Variants in TENM4 observed in about 807,000 individuals in gnomAD.
TENM4 encodes the protein teneurin transmembrane protein 4, also known as teneurin-4.
A neutral mutation model predicts 243.3 loss-of-function variants in TENM4; 82 were observed. The observed-to-expected ratio is 0.34, with a 90% CI of 0.28 to 0.40. TENM4 has a LOEUF of 0.40. Among genes scored for constraint, TENM4 ranks in the 10% least tolerant of loss-of-function variants. The pLI is 1.00. For synonymous variants in TENM4, 1,412 were observed against 1,456.3 expected (o/e 0.97, Z 0.69); for missense variants, 3,138 against 3,673.3 (o/e 0.85, Z 3.77).
chr11:79,005,013 A>T (rs1858445678), intron 6 of TENM4, among the ~76,000 whole-genome samples: 1 of 151,394 alleles, frequency 6.6e-6, no homozygotes, highest in Non-Finnish European at 1.5e-5. Flanking sequence ...AAAACTAAGT[A>T]GGAATTGATA....
intron 6 of TENM4, among the ~76,000 whole-genome samples, chr11:79,056,378 C>T (rs751414707): frequency 6.6e-6 from 1 of 151,972 alleles, no homozygotes; most frequent in African/African-American, 2.4e-5. Flanking sequence ...GTATGTGCTG[C>T]CACCAGGGAG....
intron 6 of TENM4, among the ~76,000 whole-genome samples, chr11:78,941,396 T>G (rs866982845): frequency 3.3e-5 from 5 of 151,416 alleles, no homozygotes; most frequent in Non-Finnish European, 7.4e-5. Flanking sequence ...ATGGGGCTGG[T>G]GGGTGGGCCT....
intron 9 of TENM4, among the ~76,000 whole-genome samples, chr11:78,864,697 C>G (rs886553640): frequency 6.6e-6 from 1 of 152,162 alleles, no homozygotes; most frequent in Non-Finnish European, 1.5e-5. Context: ...TGATGCCCAT[C>G]TGAATTCCCC....
intron 1 of TENM4, among the ~76,000 whole-genome samples, chr11:79,321,075 G>A (rs1856880493): frequency 6.6e-6 from 1 of 152,232 alleles, no homozygotes; most frequent in Admixed American, 6.5e-5. Context: ...AGGAGGCCTA[G>A]CTTCAGGGTT....
intron 2 of TENM4, among the ~76,000 whole-genome samples, chr11:79,266,250 C>A (rs890211382): frequency 8.5e-5 from 13 of 152,186 alleles, no homozygotes; most frequent in African/African-American, 2.4e-4. Context: ...AGGGAAGTAT[C>A]TTTATACATT....
At chr11:78,690,592 T>TAGG (rs1424029217) in intron 28 of TENM4, among the ~76,000 whole-genome samples, 1 of 152,176 alleles carries the variant, frequency 6.6e-6, no homozygotes, top group African/African-American at 2.4e-5. Context: ...AGGCTGTGCA[T>TAGG]AGGAGTCTCA....
Position 79,090,430 on chromosome 11 carries a change from G to A in TENM4, c.-65-20421C>T, listed in dbSNP as rs1860917726. Among the ~76,000 whole-genome samples, 10 of 152,374 alleles carry A rather than the reference G, an allele frequency of 6.6e-5. 1 individual carries two copies. The South Asian group carries it at 2.1e-3, about 32-fold the overall frequency. On this transcript the variant is annotated intron_variant, in intron 4 of 33. Transcript: ENST00000278550. ...ATGCAGACACCCGTGCAGAAGAAAG[G>A]CAGGTGGCGAGCTGCCTATGGCAGC...
intron 9 of TENM4, among the ~76,000 whole-genome samples, chr11:78,869,450 T>A (rs2136237953): frequency 6.7e-6 from 1 of 150,136 alleles, no homozygotes; most frequent in African/African-American, 2.4e-5. Context: ...TTTTAGTGCA[T>A]CAGCATTAAA....
chr11:78,855,930 T>A (rs1167462802), intron 11 of TENM4, 34 bp downstream of exon 11: 3 of 1,543,526 alleles, frequency 1.9e-6, no homozygotes, highest in African/African-American at 2.7e-5. Flanking sequence ...TAGGAGCCCA[T>A]GCAGATCAAC....
At chr11:79,165,176 T>C (rs1272441924) in intron 3 of TENM4, among the ~76,000 whole-genome samples, 1 of 152,140 alleles carries the variant, frequency 6.6e-6, no homozygotes, top group Non-Finnish European at 1.5e-5. Context: ...GATTGCTGGA[T>C]CAAATGGTAG....
At position 79,033,558 on chromosome 11, in the gene TENM4, C is replaced by G. The variant is rs1038993677; in HGVS notation, c.493+31180G>C. On this transcript the variant is annotated intron_variant, in intron 6 of 33. Coordinates refer to ENST00000278550, the MANE Select transcript of TENM4 (RefSeq NM_001098816.3). ...GCTGGGATTACATGGTGCCAAAGCA[C>G]AAGTTTTCCTGGTCCATCCACCAAG... Among the ~76,000 whole-genome samples, 8 of 152,216 alleles carry G rather than the reference C, an allele frequency of 5.3e-5. No individual in the cohort carries two copies. In the East Asian group the frequency reaches 1.5e-3, roughly 29 times the overall value.
intron 6 of TENM4, among the ~76,000 whole-genome samples, chr11:78,932,452 GA>G (rs1174632408): frequency 6.6e-6 from 1 of 152,210 alleles, no homozygotes; most frequent in Non-Finnish European, 1.5e-5. Flanking sequence ...GGGGAGGCCA[GA>G]AGGGTTCTGG....
chr11:78,944,662 G>C (rs958597301), intron 6 of TENM4, among the ~76,000 whole-genome samples: 7 of 152,230 alleles, frequency 4.6e-5, no homozygotes, highest in Non-Finnish European at 8.8e-5. Flanking sequence ...GACAGGTCTG[G>C]ATATCAGGAG....
Position 79,111,566 on chromosome 11 carries a change from G to A in TENM4, c.-66+37144C>T, listed in dbSNP as rs186673005. On this transcript the variant is annotated intron_variant, in intron 4 of 33. Coordinates refer to ENST00000278550, the MANE Select transcript of TENM4 (RefSeq NM_001098816.3). ...TCTCAACAACAACAACAACAACAAC[G>A]ACAAAAAAACAAAAACAAAACCCCT... Among the ~76,000 whole-genome samples, 418 of 151,880 alleles carry A rather than the reference G, an allele frequency of 2.8e-3. 2 individuals carry two copies. Among genetic ancestry groups the A allele is most frequent in the Non-Finnish European group, 8.2e-4 (56 of 67,934 alleles).
At chr11:79,046,775 C>T (rs961697016) in intron 6 of TENM4, among the ~76,000 whole-genome samples, 7 of 152,112 alleles carry the variant, frequency 4.6e-5, no homozygotes, top group African/African-American at 1.7e-4. Context: ...GAGAGCATGG[C>T]CCTGTCTATA....
rs139932852 is a variant in TENM4 at position 78,801,959 on chromosome 11, G to C, written c.2179+3333C>G. 1.1e-3 allele frequency among the ~76,000 whole-genome samples: 172 copies of C among 152,304 alleles called. 1 individual carries two copies. The highest frequency in any genetic ancestry group is 3.9e-3 in the African/African-American group (163 of 41,558). The stretch of plus-strand genomic sequence containing the variant: ...CAAATTTCCTCACCTAATCCTCACA[G>C]TGATTCCATAAAGTAATTTTACCTA... On this transcript the variant is annotated intron_variant, in intron 15 of 33. Transcript: ENST00000278550.
intron 1 of TENM4, among the ~76,000 whole-genome samples, chr11:79,312,857 A>T (rs1197570499): frequency 6.6e-6 from 1 of 152,172 alleles, no homozygotes; most frequent in African/African-American, 2.4e-5. Flanking sequence ...TCTTAATGAG[A>T]TGCACAATCT....
intron 6 of TENM4, among the ~76,000 whole-genome samples, chr11:78,972,667 G>T (rs1237469140): frequency 1.3e-5 from 2 of 152,070 alleles, no homozygotes; most frequent in African/African-American, 4.8e-5. Flanking sequence ...AAAAATATCA[G>T]CTTTATTGAT....
At chr11:78,942,043 T>C (rs73502607) in intron 6 of TENM4, among the ~76,000 whole-genome samples, 4,988 of 147,418 alleles carry the variant, frequency 0.034, 256 homozygotes, top group African/African-American at 0.11. Flanking sequence ...CCCTGGGCCA[T>C]ACTGGAAGAA....
Sources: gnomAD v4.1 joint callset for allele counts (sites outside exome capture counted in the v4.1 genomes callset) on GRCh38, gnomAD v4.1.1 for gene constraint, MANE v1.5 for transcripts, NCBI Gene and HGNC (gene_info 2026-07-23, HGNC 2026-07-21) for gene names.